The following TSPAN7 variants were observed in gnomAD, a reference collection of about 807,000 sequenced individuals.
TSPAN7 encodes the protein tetraspanin-7.
TSPAN7 carries 1 observed loss-of-function variant against 17.6 expected under a neutral mutation model. That is an observed-to-expected ratio of 0.06 (90% CI 0.02 to 0.27). TSPAN7 has a LOEUF of 0.27. Among genes scored for constraint, TSPAN7 ranks in the 10% least tolerant of loss-of-function variants. The pLI, the probability that TSPAN7 is intolerant of heterozygous loss-of-function variation, is 1.00. For missense variants in TSPAN7, 112 were observed against 201.7 expected (o/e 0.56, Z 2.69); for synonymous variants, 78 against 79.0 (o/e 0.99, Z 0.07).
chrX:38,591,049 C>T (rs1460738797), intron 1 of TSPAN7, among the ~76,000 whole-genome samples: 3 of 110,699 alleles, frequency 2.7e-5, no homozygotes, highest in Non-Finnish European at 5.7e-5. Context: ...GCTCTGATCT[C>T]ATTTTGTTCC....
intron 1 of TSPAN7, among the ~76,000 whole-genome samples, chrX:38,567,773 T>C (rs1388614539): frequency 1.8e-5 from 2 of 112,123 alleles, no homozygotes; most frequent in East Asian, 2.8e-4. Context: ...CTTCCCACTA[T>C]GGAAGATGAA....
At chrX:38,617,703 C>A (rs1218807630) in intron 1 of TSPAN7, among the ~76,000 whole-genome samples, 1 of 112,234 alleles carries the variant, frequency 8.9e-6, no homozygotes, top group African/African-American at 3.2e-5. Context: ...CTTTGAGCAA[C>A]ACTGGTTCAT....
rs900272680 is a variant in TSPAN7 at position 38,632,670 on chromosome X, G to C, written c.82-33451G>C. 5.3e-5 allele frequency among the ~76,000 whole-genome samples: 6 copies of C among 112,349 alleles called. No individual in the cohort carries two copies. In the East Asian group the frequency reaches 1.7e-3, roughly 31 times the overall value. On this transcript the variant is annotated intron_variant, in intron 1 of 7. Coordinates refer to ENST00000378482, the MANE Select transcript of TSPAN7 (RefSeq NM_004615.4). Reference sequence around the variant, plus strand: ...GACTTTCATTTGCCACCATTATACTGTCAGGAAGATGTCTCTACCAAGTGT... The same window carrying C: ...GACTTTCATTTGCCACCATTATACTCTCAGGAAGATGTCTCTACCAAGTGT...
chrX:38,672,855 T>A (rs1386507254), intron 3 of TSPAN7, among the ~76,000 whole-genome samples: 1 of 111,947 alleles, frequency 8.9e-6, no homozygotes, highest in Non-Finnish European at 1.9e-5. Context: ...ACAATAGGTC[T>A]CATTTAGTGC....
intron 1 of TSPAN7, among the ~76,000 whole-genome samples, chrX:38,588,831 A>C (rs1349073667): frequency 8.9e-6 from 1 of 111,783 alleles, no homozygotes; most frequent in East Asian, 2.8e-4. Flanking sequence ...TCTTATCCTG[A>C]AGTGCTATTT....
intron 6 of TSPAN7, among the ~76,000 whole-genome samples, chrX:38,683,967 A>T (rs2069909425): frequency 8.9e-6 from 1 of 112,826 alleles, no homozygotes; most frequent in Admixed American, 9.3e-5. Context: ...GGCTCTACTA[A>T]GTTAGAGGCC....
intron 1 of TSPAN7, among the ~76,000 whole-genome samples, chrX:38,636,290 ATTCT>A (rs1161393330): frequency 1.8e-5 from 2 of 111,476 alleles, no homozygotes; most frequent in Non-Finnish European, 3.8e-5. Flanking sequence ...CTCATACAAA[ATTCT>A]TTCATAACTA....
chrX:38,644,259 A>G (rs1028926086), intron 1 of TSPAN7, among the ~76,000 whole-genome samples: 4 of 111,780 alleles, frequency 3.6e-5, no homozygotes, highest in African/African-American at 1.3e-4. Context: ...CTTAAGGAAT[A>G]GCTGCACTGT....
In TSPAN7 at chrX:38,688,665, T is replaced by A. The variant is rs1317120447; in HGVS notation, c.*734T>A. ...GTGTTGTTGCTTCTTGTGAAGGCCA[T>A]GATATTTTGTTTTTCCCCAATTAAT... On this transcript the variant is annotated 3_prime_UTR_variant, in exon 8 of 8. Coordinates refer to ENST00000378482, the MANE Select transcript of TSPAN7 (RefSeq NM_004615.4). 8.9e-6 allele frequency: 1 copy of A among 112,448 alleles called. No homozygotes were observed. Among genetic ancestry groups the A allele is most frequent in the African/African-American group, 3.2e-5 (1 of 30,849 alleles). 9.3% of individuals were successfully genotyped at this position (112,448 alleles called of 1,213,427 possible). A position where few individuals can be genotyped will look rare whatever the true frequency, so the allele number is the denominator to read the frequency against.
At chrX:38,668,792 C>A (rs2069800598) in intron 2 of TSPAN7, among the ~76,000 whole-genome samples, 1 of 111,855 alleles carries the variant, frequency 8.9e-6, no homozygotes, top group African/African-American at 3.3e-5. Flanking sequence ...ATATACCCCG[C>A]AGTAGGATTG....
intron 3 of TSPAN7, among the ~76,000 whole-genome samples, chrX:38,671,876 C>T (rs1174200933): frequency 1.8e-5 from 2 of 110,019 alleles, no homozygotes; most frequent in African/African-American, 6.6e-5. Flanking sequence ...AGAACCCCAT[C>T]TCTAAAAAAT....
chrX:38,649,167 C>T (rs1483533371), intron 1 of TSPAN7, among the ~76,000 whole-genome samples: 2 of 111,321 alleles, frequency 1.8e-5, no homozygotes, highest in South Asian at 3.8e-4. Flanking sequence ...GACACCTCTT[C>T]GTATGCTGTA....
intron 1 of TSPAN7, among the ~76,000 whole-genome samples, chrX:38,660,029 G>A (rs1421148606): frequency 2.8e-5 from 3 of 108,782 alleles, no homozygotes; most frequent in African/African-American, 1.0e-4. Flanking sequence ...GTTTCACCAT[G>A]TTGGCCAGGC....
chrX:38,684,664 T>A (rs960648840), intron 6 of TSPAN7, among the ~76,000 whole-genome samples: 1 of 111,672 alleles, frequency 9.0e-6, no homozygotes, highest in Non-Finnish European at 1.9e-5. Context: ...TCTGGGCTTC[T>A]GTATTTAGTA....
chrX:38,653,269 C>G (rs971435742), intron 1 of TSPAN7, among the ~76,000 whole-genome samples: 11 of 111,587 alleles, frequency 9.9e-5, no homozygotes, highest in African/African-American at 3.6e-4. Context: ...CCAGACTGTG[C>G]CCTTCGTTCA....
chrX:38,594,609 T>C (rs1362232911), intron 1 of TSPAN7, among the ~76,000 whole-genome samples: 1 of 112,203 alleles, frequency 8.9e-6, no homozygotes, highest in African/African-American at 3.2e-5. Context: ...AATGAGAAGA[T>C]ACATGAATGT....
chrX:38,569,185 T>C (rs2147394116), intron 1 of TSPAN7, among the ~76,000 whole-genome samples: 1 of 111,061 alleles, frequency 9.0e-6, no homozygotes, highest in East Asian at 2.8e-4. Context: ...TTATCAATTG[T>C]AATTTGGGTG....
At position 38,646,146 on chromosome X, in the gene TSPAN7, T is replaced by TAAA. The variant is rs752134715; in HGVS notation, c.82-19967_82-19965dup. 2,871 of 569,655 alleles carry TAAA rather than the reference T, an allele frequency of 5.0e-3. 65 individuals carry two copies. In the African/African-American group the frequency reaches 0.063, roughly 13 times the overall value. 46.9% of individuals were successfully genotyped at this position (569,655 alleles called of 1,213,427 possible). On this transcript the variant is annotated intron_variant, in intron 1 of 7. Transcript: ENST00000378482. ...CTAGTAATAGTTGGTGTACTTTCTA[T>TAAA]AAAAAAAAAACCTGTAAATACATTA...
intron 1 of TSPAN7, among the ~76,000 whole-genome samples, chrX:38,611,575 A>T (rs1299021346): frequency 9.0e-6 from 1 of 111,348 alleles, no homozygotes; most frequent in Non-Finnish European, 1.9e-5. Context: ...CCTGCCATAA[A>T]GTGTCTTCTA....
Sources: gnomAD v4.1 joint callset for allele counts (sites outside exome capture counted in the v4.1 genomes callset) on GRCh38, gnomAD v4.1.1 for gene constraint, MANE v1.5 for transcripts, NCBI Gene and HGNC (gene_info 2026-07-23, HGNC 2026-07-21) for gene names.